The following MAP4K3 variants were observed in gnomAD, a reference collection of about 807,000 sequenced individuals.
MAP4K3 encodes MAPK/ERK kinase kinase kinase 3.
In MAP4K3, 94 loss-of-function variants were observed where a neutral mutation model predicts 143.5. The observed-to-expected ratio is 0.65, with a 90% confidence interval of 0.55 to 0.78. MAP4K3 has a LOEUF of 0.78. Among genes scored for constraint, MAP4K3 ranks in the 30% least tolerant of loss-of-function variants. MAP4K3 has a pLI of 0.00. For synonymous variants in MAP4K3, 416 were observed against 347.2 expected, an observed-to-expected ratio of 1.20 and a Z score of -2.20; for missense variants, 1,077 against 1,068.1, an observed-to-expected ratio of 1.01 and a Z score of -0.12.
chr2:39,364,918 G>A (rs1340061306), intron 2 of MAP4K3, among the ~76,000 whole-genome samples: 1 of 150,700 alleles, frequency 6.6e-6, no homozygotes, highest in South Asian at 2.1e-4. Flanking sequence ...GTTTTATCAT[G>A]CAGATGAAGC....
chr2:39,355,285 C>A (rs150314754), intron 3 of MAP4K3, among the ~76,000 whole-genome samples: 182 of 136,498 alleles, frequency 1.3e-3, no homozygotes, highest in African/African-American at 4.8e-3. Context: ...CACTTGAACC[C>A]GGGAGGTGGA....
At chr2:39,420,296 T>TA (rs1667510204) in intron 1 of MAP4K3, among the ~76,000 whole-genome samples, 1 of 152,400 alleles carries the variant, frequency 6.6e-6, no homozygotes, top group South Asian at 2.1e-4. Flanking sequence ...CTAAAGACCA[T>TA]AACTTCCATA....
At chr2:39,342,180 CCAGG>C (rs1247973679) in intron 4 of MAP4K3, among the ~76,000 whole-genome samples, 2 of 150,978 alleles carry the variant, frequency 1.3e-5, no homozygotes, top group East Asian at 3.9e-4. Flanking sequence ...GTTCTGTTGC[CCAGG>C]CTGTAGTCCA....
rs188900461 is a variant in MAP4K3 at position 39,376,210 on chromosome 2, G to A, written c.154+1856C>T. ...TCCTGTTTGTGATTACACTTTTTGA[G>A]TATTTATACTTTAGGCATATACACA... On this transcript the variant is annotated intron_variant, in intron 2 of 33. Transcript: ENST00000263881. Among the ~76,000 whole-genome samples the A allele has an allele frequency of 2.6e-5, 4 of 152,200 alleles. No individual in the cohort carries two copies. In the East Asian group the frequency reaches 7.7e-4, roughly 29 times the overall value.
intron 1 of MAP4K3, among the ~76,000 whole-genome samples, chr2:39,381,378 G>A (rs1052750143): frequency 6.6e-6 from 1 of 151,962 alleles, no homozygotes; most frequent in African/African-American, 2.4e-5. Context: ...ATATATTCTG[G>A]ATATAAATCC....
intron 15 of MAP4K3, among the ~76,000 whole-genome samples, 156 bp downstream of exon 15, chr2:39,307,787 A>G (rs565800510): frequency 1.3e-5 from 2 of 152,222 alleles, no homozygotes; most frequent in East Asian, 3.9e-4. Flanking sequence ...GTAACTTGTT[A>G]TGGGAAAAAA....
intron 1 of MAP4K3, among the ~76,000 whole-genome samples, chr2:39,424,450 A>G (rs1339019020): frequency 6.6e-6 from 1 of 152,140 alleles, no homozygotes. Flanking sequence ...GGCCCACTCA[A>G]AACAGCACAT....
chr2:39,299,508 C>CT (rs1186687306), intron 16 of MAP4K3, among the ~76,000 whole-genome samples: 1 of 152,078 alleles, frequency 6.6e-6, no homozygotes, highest in African/African-American at 2.4e-5. Flanking sequence ...GTGGTTTTCT[C>CT]TAACATACAA....
intron 27 of MAP4K3, among the ~76,000 whole-genome samples, chr2:39,266,591 T>C (rs1680776011): frequency 6.6e-6 from 1 of 152,218 alleles, no homozygotes; most frequent in Non-Finnish European, 1.5e-5. Context: ...TTTTGAGGCC[T>C]GGCCCAAATG....
At position 39,315,355 on chromosome 2, in the gene MAP4K3, T is replaced by C. The variant is rs1239828591; in HGVS notation, c.952A>G (p.Thr318Ala). 6.2e-7 allele frequency: 1 copy of C among 1,612,738 alleles called. No homozygotes were observed. Among genetic ancestry groups the C allele is most frequent in the South Asian group, 1.1e-5 (1 of 91,020 alleles). Reference protein sequence around the residue: ...LVAVPHRIHSTSRNVREEKTR... With the variant: ...LVAVPHRIHSASRNVREEKTR... ...TTTTCTTCTCTCACGTTTCTACTTGTTGAGTGAATTCTATGTGGTACAGCA... is the reference window on the plus strand; with the variant it reads ...TTTTCTTCTCTCACGTTTCTACTTGCTGAGTGAATTCTATGTGGTACAGCA... Residue 318 changes from threonine to alanine, a missense_variant, in exon 13 of 34, where the codon ACA becomes GCA. Thr to Ala is a moderately conservative substitution (Grantham distance 58). Transcript: ENST00000263881.
chr2:39,306,161 G>C (rs1359626301), intron 15 of MAP4K3, among the ~76,000 whole-genome samples: 1 of 152,098 alleles, frequency 6.6e-6, no homozygotes, highest in Non-Finnish European at 1.5e-5. Context: ...TATGTTTCCA[G>C]TTTTGTTGTT....
chr2:39,307,998 C>G lies in MAP4K3; in HGVS notation c.1064G>C (p.Ser355Thr). 1.2e-6 allele frequency: 2 copies of G among 1,601,526 alleles called. No individual in the cohort carries two copies. Among genetic ancestry groups the G allele is most frequent in the Admixed American group, 1.7e-5 (1 of 58,204 alleles). The change falls in exon 15 of 34, where the codon AGT becomes ACT. Residue 355 changes from serine (S) to threonine (T), a missense_variant. This residue lies in a region of MAP4K3 where 864 missense variants were observed against 801.2 expected (regional missense o/e 1.08). Coordinates refer to ENST00000263881, the MANE Select transcript of MAP4K3 (RefSeq NM_003618.4). ...TTCTGAACTGTCCAAAAAACCATCA[C>G]TGTCGGGCTGTTTAGCAGAGACCAA... ...ETEPHHELPDSDGFLDSSEEI... is the reference protein window; with the variant it reads ...ETEPHHELPDTDGFLDSSEEI...
intron 1 of MAP4K3, among the ~76,000 whole-genome samples, chr2:39,392,872 C>T (rs11124680): frequency 0.74 from 113,245 of 152,088 alleles, 42,978 homozygotes; most frequent in Non-Finnish European, 0.82. Context: ...TGGATGCCAT[C>T]GCCATGCTCT....
intron 1 of MAP4K3, among the ~76,000 whole-genome samples, chr2:39,423,186 A>G (rs1664945048): frequency 6.6e-6 from 1 of 152,240 alleles, no homozygotes; most frequent in African/African-American, 2.4e-5. Flanking sequence ...AACATCATAT[A>G]CCATTAGGGA....
At chr2:39,321,925 C>A (rs915808549) in intron 12 of MAP4K3, among the ~76,000 whole-genome samples, 1 of 152,206 alleles carries the variant, frequency 6.6e-6, no homozygotes, top group Non-Finnish European at 1.5e-5. Flanking sequence ...TGACACATCC[C>A]CCTCTCGGGG....
At chr2:39,330,489 G>T (rs1356597267) in intron 8 of MAP4K3, among the ~76,000 whole-genome samples, 1 of 152,140 alleles carries the variant, frequency 6.6e-6, no homozygotes, top group Non-Finnish European at 1.5e-5. Flanking sequence ...AGTACATCAT[G>T]AAAGAAGAAG....
At chr2:39,407,640 T>C (rs1250047536) in intron 1 of MAP4K3, among the ~76,000 whole-genome samples, 1 of 152,178 alleles carries the variant, frequency 6.6e-6, no homozygotes, top group Admixed American at 6.5e-5. Flanking sequence ...GGCATGACCT[T>C]GGATCACTGC....
intron 2 of MAP4K3, among the ~76,000 whole-genome samples, chr2:39,358,101 G>T (rs1221455399): frequency 1.3e-5 from 2 of 152,216 alleles, no homozygotes; most frequent in East Asian, 3.8e-4. Flanking sequence ...ACCTGTCTCT[G>T]TAATTTTCAG....
intron 19 of MAP4K3, 102 bp downstream of exon 19, chr2:39,290,190 C>G (rs995410327): frequency 1.3e-6 from 1 of 762,880 alleles, no homozygotes; most frequent in African/African-American, 1.9e-5. Flanking sequence ...CATGATTTTT[C>G]TTTGTGGATC....
Sources: allele counts gnomAD v4.1 joint callset (sites outside exome capture counted in the v4.1 genomes callset), GRCh38; gene constraint gnomAD v4.1.1; regional missense constraint gnomAD v4.1.1; transcripts MANE v1.5; gene names NCBI Gene and HGNC (gene_info 2026-07-23, HGNC 2026-07-21).